The following PCDHGB3 variants were observed in gnomAD, a reference collection of about 807,000 sequenced individuals.
PCDHGB3 encodes the protein protocadherin gamma-B3.
PCDHGB3 carries 40 observed loss-of-function variants against 59.2 expected under a neutral mutation model. The observed-to-expected ratio is 0.68, with a 90% CI of 0.52 to 0.88. The LOEUF is 0.88. PCDHGB3 is among the 40% of genes least tolerant of loss of function. The pLI is 0.00. For missense variants in PCDHGB3, 1,309 were observed against 1,187.9 expected, an observed-to-expected ratio of 1.10 and a Z score of -1.50; for synonymous variants, 581 against 503.6, an observed-to-expected ratio of 1.15 and a Z score of -2.06.
At chr5:141,409,798 G>T (rs2095317053) in intron 1 of PCDHGB3, 1 of 1,611,672 alleles carries the variant, frequency 6.2e-7, no homozygotes, top group South Asian at 1.1e-5. Context: ...CGCTCACGCT[G>T]CAGGCCCGCG....
chr5:141,395,547 TGTGTGTGTGTGTGTGTGTGTGTG>T, intron 1 of PCDHGB3: 1 of 173,894 alleles, frequency 5.8e-6, no homozygotes, highest in Non-Finnish European at 1.2e-5. Context: ...ATTGTTTGTG[TGTGTGTGTGTGTGTGTGTGTGTG>T]TGTGTGTGTG....
At chr5:141,427,650 G>C (rs1352503291) in intron 1 of PCDHGB3, 1 of 718,312 alleles carries the variant, frequency 1.4e-6, no homozygotes. Flanking sequence ...AGTCTCCTAC[G>C]TGGTCCACGT....
intron 1 of PCDHGB3, chr5:141,413,356 C>T: frequency 6.2e-7 from 1 of 1,613,962 alleles, no homozygotes; most frequent in South Asian, 1.1e-5. Context: ...TCTGGCGCCC[C>T]GGGAGCTGGC....
At chr5:141,438,631 TATATACAC>T (rs1213304454) in intron 1 of PCDHGB3, among the ~76,000 whole-genome samples, 683 of 43,114 alleles carry the variant, frequency 0.016, 2 homozygotes, top group African/African-American at 0.049. Context: ...TATATATATA[TATATACAC>T]ACACACACAC....
chr5:141,382,017 C>T (rs1288762588), intron 1 of PCDHGB3, among the ~76,000 whole-genome samples: 2 of 151,562 alleles, frequency 1.3e-5, no homozygotes, highest in African/African-American at 2.4e-5. Flanking sequence ...TTAGTAGAGA[C>T]GGGGTTTCTC....
intron 1 of PCDHGB3, chr5:141,376,739 T>C (rs1773315413): frequency 8.0e-6 from 4 of 502,200 alleles, no homozygotes; most frequent in Non-Finnish European, 1.4e-5. Flanking sequence ...GACTGCGGAC[T>C]GCAGTGGCGC....
chr5:141,509,059 C>T (rs1313349089), intron 3 of PCDHGB3, among the ~76,000 whole-genome samples: 2 of 152,182 alleles, frequency 1.3e-5, no homozygotes, highest in Non-Finnish European at 2.9e-5. Flanking sequence ...CCAGAAAGCT[C>T]TCAGCTCCGG....
chr5:141,489,084 C>G lies in PCDHGB3; in HGVS notation c.2416-5723C>G. ...CTCCCCCCTGCCCACCCCCGCCACT[C>G]GGTGACTAAGAACTGCTGCAAGCAG... On this transcript the variant is annotated intron_variant, in intron 1 of 3. Transcript: ENST00000576222. This position sits in a 1 kb window ranked among gnomAD's most constrained non-coding sequence, Gnocchi z 4.5. 6.1e-6 allele frequency: 2 copies of G among 329,126 alleles called. No homozygotes were observed. The highest frequency in any genetic ancestry group is 2.5e-5 in the African/African-American group (1 of 40,384). 20.4% of individuals were successfully genotyped at this position (329,126 alleles called of 1,614,324 possible). A position where few individuals can be genotyped will look rare whatever the true frequency, so the allele number is the denominator to read the frequency against.
At chr5:141,498,321 G>A (rs1477684617) in intron 2 of PCDHGB3, among the ~76,000 whole-genome samples, 2 of 151,722 alleles carry the variant, frequency 1.3e-5, no homozygotes, top group Non-Finnish European at 2.9e-5. Flanking sequence ...CTACACAGAA[G>A]GAAGAGCATT....
At chr5:141,498,830 G>T (rs2099786149) in intron 2 of PCDHGB3, among the ~76,000 whole-genome samples, 1 of 152,080 alleles carries the variant, frequency 6.6e-6, no homozygotes, top group Non-Finnish European at 1.5e-5. Context: ...CTACTCAGGA[G>T]GCTGAGGCAG....
chr5:141,485,858 C>A lies in PCDHGB3; in HGVS notation c.2416-8949C>A, dbSNP rs1431906047. 8.1e-6 allele frequency: 13 copies of A among 1,614,162 alleles called. No individual in the cohort carries two copies. The South Asian group carries it at 1.4e-4, about 18-fold the overall frequency. ...GCCGAGATCTGGCACCGCAGAGCTC[C>A]GGGTATCCGTGCTGGACGTAAACGA... On this transcript the variant is annotated intron_variant, in intron 1 of 3. Coordinates refer to ENST00000576222, the MANE Select transcript of PCDHGB3 (RefSeq NM_018924.5). This position sits in a 1 kb window ranked among gnomAD's most constrained non-coding sequence, Gnocchi z 5.7.
intron 1 of PCDHGB3, among the ~76,000 whole-genome samples, chr5:141,425,427 A>G (rs925551543): frequency 2.2e-4 from 33 of 152,362 alleles, no homozygotes; most frequent in Non-Finnish European, 4.1e-4. Flanking sequence ...GTCCCATTAA[A>G]TAGAGGATAA....
chr5:141,380,058 C>G (rs1231461261), intron 1 of PCDHGB3, among the ~76,000 whole-genome samples: 1 of 151,888 alleles, frequency 6.6e-6, no homozygotes, highest in Non-Finnish European at 1.5e-5. Flanking sequence ...TGCCACCATG[C>G]CTAGCTAATT....
intron 1 of PCDHGB3, chr5:141,395,733 T>C (rs567626582): frequency 5.9e-5 from 9 of 153,748 alleles, no homozygotes; most frequent in African/African-American, 2.2e-4. Context: ...TTTCTTCACT[T>C]TAAACCTCTT....
At chr5:141,413,222 G>T in intron 1 of PCDHGB3, 1 of 1,613,796 alleles carries the variant, frequency 6.2e-7, no homozygotes, top group Admixed American at 1.7e-5. Flanking sequence ...GATTGCAGCG[G>T]GCTGGTCCTG....
intron 1 of PCDHGB3, chr5:141,409,266 A>G (rs1285539149): frequency 1.1e-5 from 17 of 1,613,922 alleles, no homozygotes; most frequent in Non-Finnish European, 1.4e-5. Flanking sequence ...CTCTCTGATC[A>G]GATTTTGGAG....
rs536075571 is a variant in PCDHGB3 at position 141,370,706 on chromosome 5, G to T, written c.312G>T (p.Leu104=). 1.2e-5 allele frequency: 19 copies of T among 1,613,790 alleles called. No homozygotes were observed. The highest frequency in any genetic ancestry group is 1.6e-4 in the Middle Eastern group (1 of 6,062). ...EICGKKSTCV[L]EFEMVAEKPL... is the part of the protein sequence containing the mutation. ...GTGGCAAGAAGTCGACGTGTGTTCT[G>T]GAATTTGAAATGGTTGCTGAAAAGC... The change falls in exon 1 of 4, where the codon CTG becomes CTT. Residue 104 remains leucine, a synonymous_variant. Coordinates refer to ENST00000576222, the MANE Select transcript of PCDHGB3 (RefSeq NM_018924.5).
Position 141,477,771 on chromosome 5 carries a change from G to A in PCDHGB3, c.2416-17036G>A. 1 of 1,613,992 alleles carries A rather than the reference G, an allele frequency of 6.2e-7. No homozygotes were observed. The highest frequency in any genetic ancestry group is 1.3e-5 in the African/African-American group (1 of 75,054). ...ACCCCGGTCCTAGCCACCAACATCA[G>A]CGTGAACATATTTGTCACTGATCGC... On this transcript the variant is annotated intron_variant, in intron 1 of 3. Transcript: ENST00000576222. This position sits in a 1 kb window ranked among gnomAD's most constrained non-coding sequence, Gnocchi z 4.9.
intron 2 of PCDHGB3, among the ~76,000 whole-genome samples, chr5:141,500,695 T>G (rs1214079801): frequency 1.3e-5 from 2 of 152,214 alleles, no homozygotes; most frequent in Admixed American, 6.5e-5. Flanking sequence ...TTTTTCTTCT[T>G]TGCAGTGTAT....
Sources: allele counts gnomAD v4.1 joint callset (sites outside exome capture counted in the v4.1 genomes callset), GRCh38; gene constraint gnomAD v4.1.1; non-coding constraint Gnocchi (gnomAD v3.1); transcripts MANE v1.5; gene names NCBI Gene and HGNC (gene_info 2026-07-23, HGNC 2026-07-21).